The following CARF variants were observed in gnomAD, a reference collection of about 807,000 sequenced individuals.
The protein encoded by CARF is calcium responsive transcription factor.
Under a neutral mutation model 82.0 loss-of-function variants are expected in CARF, and 57 were observed. That is an observed-to-expected ratio of 0.70 (90% CI 0.56 to 0.87). CARF has a LOEUF of 0.87. Among genes scored for constraint, CARF ranks in the 40% least tolerant of loss-of-function variants. The probability of loss-of-function intolerance (pLI) is 0.00; values close to 1 mark genes in which losing one functional copy is unlikely to be tolerated. For missense variants in CARF, 771 were observed against 855.8 expected, an observed-to-expected ratio of 0.90 and a Z score of 1.24; for synonymous variants, 268 against 290.1, an observed-to-expected ratio of 0.92 and a Z score of 0.77.
chr2:202,979,404 C>T (rs754293401), intron 14 of CARF, among the ~76,000 whole-genome samples: 10 of 152,072 alleles, frequency 6.6e-5, no homozygotes, highest in South Asian at 4.2e-4. Context: ...ACATTAATAA[C>T]GAAGAAACCA....
rs1167339928 is a variant in CARF, at chr2:202,952,624, A to C, written c.372A>C (p.Gly124=). Residue 124 remains glycine (G), a synonymous_variant, in exon 6 of 17, where the codon GGA becomes GGC. Transcript: ENST00000438828. ...VLRVIPPTQT[G]MAQVIIPQGQ... ...GTGTAATTCCACCTACCCAGACAGG[A>C]ATGGCACAAGTGATTATACCTCAGG... The C allele has an allele frequency of 1.1e-5, 17 of 1,613,834 alleles. No individual in the cohort carries two copies. Among genetic ancestry groups the C allele is most frequent in the Non-Finnish European group, 1.4e-5 (17 of 1,179,960 alleles).
chr2:202,942,051 T>C, intron 4 of CARF, 71 bp downstream of exon 4: 1 of 1,178,818 alleles, frequency 8.5e-7, no homozygotes, highest in Non-Finnish European at 1.3e-6. Context: ...CTCTTTATGC[T>C]CAAGGGATAG....
chr2:202,969,025 C>G (rs561954465), intron 10 of CARF, among the ~76,000 whole-genome samples: 1 of 152,154 alleles, frequency 6.6e-6, no homozygotes, highest in Non-Finnish European at 1.5e-5. Flanking sequence ...TGTGGTGGCT[C>G]ACGCCTATAA....
intron 2 of CARF, among the ~76,000 whole-genome samples, chr2:202,922,392 C>T (rs1461197128): frequency 6.6e-6 from 1 of 152,192 alleles, no homozygotes; most frequent in African/African-American, 2.4e-5. Context: ...GATGGGATTA[C>T]AGGCATGAGC....
intron 12 of CARF, among the ~76,000 whole-genome samples, chr2:202,972,551 C>T (rs2059833893): frequency 6.6e-6 from 1 of 151,830 alleles, no homozygotes; most frequent in Non-Finnish European, 1.5e-5. Context: ...GTGGCACGCA[C>T]CTGTAGTCCC....
intron 3 of CARF, among the ~76,000 whole-genome samples, chr2:202,930,962 T>C (rs893875373): frequency 2.0e-5 from 3 of 150,744 alleles, no homozygotes; most frequent in African/African-American, 7.3e-5. Context: ...TGACTTTTTT[T>C]CTTTTCTTTT....
At position 202,985,253 on chromosome 2, in the gene CARF, G is replaced by T. The variant is rs1194596411; in HGVS notation, c.*1629G>T. On this transcript the variant is annotated 3_prime_UTR_variant, in exon 17 of 17. Coordinates refer to ENST00000438828, the MANE Select transcript of CARF (RefSeq NM_024744.17). ...CAAATTTAACCTTAATACTTTACAT[G>T]AATATGAGTCACTTTTGGCTTTTCT... 1 of 151,900 alleles carries T rather than the reference G, an allele frequency of 6.6e-6. No homozygotes were observed. The highest frequency in any genetic ancestry group is 6.6e-5 in the Admixed American group (1 of 15,242). 9.4% of individuals were successfully genotyped at this position (151,900 alleles called of 1,614,324 possible). A position where few individuals can be genotyped will look rare whatever the true frequency, so the allele number is the denominator to read the frequency against.
At position 202,983,744 on chromosome 2, in the gene CARF, C is replaced by G; in HGVS notation, c.*120C>G. On this transcript the variant is annotated 3_prime_UTR_variant, in exon 17 of 17. Transcript: ENST00000438828. ...GACTGAAGACCAGTTTGATGAGAAG[C>G]TTTTATTTAAAACTGATATATTTGT... is the stretch of plus-strand genomic sequence containing the variant. The G allele has an allele frequency of 1.5e-6, 1 of 677,138 alleles. No individual in the cohort carries two copies. The highest frequency in any genetic ancestry group is 2.6e-6 in the Non-Finnish European group (1 of 387,902). The allele number at this position is 677,138 out of a possible 1,614,324, so 41.9% of individuals were successfully genotyped here.
intron 9 of CARF, among the ~76,000 whole-genome samples, chr2:202,964,375 G>T (rs1485053754): frequency 1.3e-5 from 2 of 152,024 alleles, no homozygotes; most frequent in Non-Finnish European, 2.9e-5. Flanking sequence ...AATCTCCTTG[G>T]CTCAAGAGAT....
chr2:202,913,253 A>G (rs907085704), intron 1 of CARF, 151 bp downstream of exon 1: 5 of 152,244 alleles, frequency 3.3e-5, no homozygotes, highest in African/African-American at 1.2e-4. Context: ...AATAATTTTT[A>G]TTAGAGAGCA....
chr2:202,921,740 T>C (rs979582360), intron 2 of CARF, among the ~76,000 whole-genome samples: 1 of 152,194 alleles, frequency 6.6e-6, no homozygotes, highest in Non-Finnish European at 1.5e-5. Flanking sequence ...TTCTGTAAAA[T>C]TATAAGTGAC....
intron 5 of CARF, among the ~76,000 whole-genome samples, chr2:202,949,687 A>G (rs2058672153): frequency 6.6e-6 from 1 of 151,712 alleles, no homozygotes; most frequent in African/African-American, 2.4e-5. Context: ...AGTAGCTGGG[A>G]TTGCAGGTGC....
intron 3 of CARF, among the ~76,000 whole-genome samples, chr2:202,931,934 G>A (rs557656349): frequency 6.6e-5 from 10 of 152,242 alleles, no homozygotes; most frequent in African/African-American, 1.7e-4. Flanking sequence ...ACTTGAGACT[G>A]GGTGATTTAT....
Position 202,954,083 on chromosome 2 carries a change from A to T in CARF, c.506A>T (p.Tyr169Phe), listed in dbSNP as rs752749004. 1 of 1,613,672 alleles carries T rather than the reference A, an allele frequency of 6.2e-7. No individual in the cohort carries two copies. The highest frequency in any genetic ancestry group is 8.5e-7 in the Non-Finnish European group (1 of 1,179,858). ...ACTCTAGCAGACAATACCAGCAATT[A>T]CATTCTTCATCCTCAAACATCCTTC... ...VDTLADNTSN[Y>F]ILHPQTSFPL... The change falls in exon 7 of 17, where the codon TAC (tyrosine) becomes TTC (phenylalanine). Residue 169 changes from tyrosine (Y) to phenylalanine (F), a missense_variant. Coordinates refer to ENST00000438828, the MANE Select transcript of CARF (RefSeq NM_024744.17).
At chr2:202,931,871 A>G (rs922469310) in intron 3 of CARF, among the ~76,000 whole-genome samples, 1 of 152,216 alleles carries the variant, frequency 6.6e-6, no homozygotes, top group Non-Finnish European at 1.5e-5. Flanking sequence ...GCTGGGTTCC[A>G]GGTACTGGCA....
In CARF at chr2:202,932,647, T is replaced by TGCAGCAGCA. The variant is rs374632298; in HGVS notation, c.-44+8251_-44+8259dup. The stretch of plus-strand genomic sequence containing the variant: ...GTATCTCAGACTCTGTGAGGCCAGT[T>TGCAGCAGCA]GCAGCAGCAGCAGCAGCAGCAGCAG... On this transcript the variant is annotated intron_variant, in intron 3 of 16. Coordinates refer to ENST00000438828, the MANE Select transcript of CARF (RefSeq NM_024744.17). 4.7e-3 allele frequency among the ~76,000 whole-genome samples: 715 copies of TGCAGCAGCA among 151,648 alleles called. 4 individuals are homozygous for TGCAGCAGCA. Among genetic ancestry groups the TGCAGCAGCA allele is most frequent in the Non-Finnish European group, 6.8e-3 (462 of 67,824 alleles).
chr2:202,913,159 A>G (rs941074408), intron 1 of CARF, 57 bp downstream of exon 1: 4 of 152,202 alleles, frequency 2.6e-5, no homozygotes, highest in African/African-American at 9.6e-5. Flanking sequence ...AAGATGTCCT[A>G]CTGTAAGGTA....
At chr2:202,965,383 T>C (rs2059506781) in intron 9 of CARF, among the ~76,000 whole-genome samples, 1 of 152,204 alleles carries the variant, frequency 6.6e-6, no homozygotes, top group Non-Finnish European at 1.5e-5. Flanking sequence ...ATGGAATGTT[T>C]TTATTTTTGC....
intron 8 of CARF, among the ~76,000 whole-genome samples, chr2:202,957,308 A>AT (rs1262066534): frequency 6.6e-6 from 1 of 151,948 alleles, no homozygotes; most frequent in Admixed American, 6.6e-5. Flanking sequence ...AAGTCATGTT[A>AT]TTTTTTCCAC....
Sources: gnomAD v4.1 joint callset for allele counts (sites outside exome capture counted in the v4.1 genomes callset) on GRCh38, gnomAD v4.1.1 for gene constraint, MANE v1.5 for transcripts, NCBI Gene and HGNC (gene_info 2026-07-23, HGNC 2026-07-21) for gene names.